The following OPCML variants were observed in gnomAD, a reference collection of about 807,000 sequenced individuals.
OPCML encodes the protein opioid binding protein/cell adhesion molecule like.
A neutral mutation model predicts 37.8 loss-of-function variants in OPCML; 13 were observed. That is an observed-to-expected ratio of 0.34 (90% CI 0.22 to 0.55). The LOEUF (loss-of-function observed/expected upper bound fraction) is 0.55, where lower values mean the gene tolerates loss of function less well. Ranked by LOEUF, OPCML falls within the 20% of genes least tolerant of loss-of-function variation. The pLI, the probability that OPCML is intolerant of heterozygous loss-of-function variation, is 0.91. For synonymous variants in OPCML, 176 were observed against 168.8 expected, an observed-to-expected ratio of 1.04 and a Z score of -0.33; for missense variants, 341 against 435.6, an observed-to-expected ratio of 0.78 and a Z score of 1.93.
intron 3 of OPCML, among the ~76,000 whole-genome samples, chr11:132,603,283 C>A (rs891707938): frequency 1.3e-5 from 2 of 152,156 alleles, no homozygotes; most frequent in South Asian, 2.1e-4. Flanking sequence ...GACCTTAATA[C>A]CTTTTTACTT....
At chr11:133,157,427 G>A (rs1950078115) in intron 1 of OPCML, among the ~76,000 whole-genome samples, 1 of 152,096 alleles carries the variant, frequency 6.6e-6, no homozygotes. Flanking sequence ...CAATTTCTAA[G>A]CAAAGGGAGA....
intron 1 of OPCML, among the ~76,000 whole-genome samples, chr11:133,486,793 G>A (rs934065683): frequency 6.6e-6 from 1 of 151,630 alleles, no homozygotes; most frequent in African/African-American, 2.4e-5. Context: ...TTGCAGTCTT[G>A]TTCCCTCTGG....
At chr11:133,409,259 G>C (rs927441971) in intron 1 of OPCML, among the ~76,000 whole-genome samples, 2 of 152,244 alleles carry the variant, frequency 1.3e-5, no homozygotes, top group African/African-American at 4.8e-5. Context: ...CAGAGCCTGA[G>C]CTGTGAACTT....
intron 1 of OPCML, among the ~76,000 whole-genome samples, chr11:133,035,033 C>T (rs1947752460): frequency 6.6e-6 from 1 of 152,196 alleles, no homozygotes; most frequent in South Asian, 2.1e-4. Flanking sequence ...CCTTCAACAC[C>T]AGATGGATAA....
At chr11:133,122,075 T>A (rs2137117026) in intron 1 of OPCML, among the ~76,000 whole-genome samples, 1 of 152,346 alleles carries the variant, frequency 6.6e-6, no homozygotes, top group African/African-American at 2.4e-5. Flanking sequence ...TATATCCATA[T>A]AACATTTGAG....
chr11:133,380,844 C>G (rs1304889817), intron 1 of OPCML, among the ~76,000 whole-genome samples: 4 of 152,088 alleles, frequency 2.6e-5, no homozygotes, highest in African/African-American at 9.7e-5. Flanking sequence ...TTTGAATCAT[C>G]TATAAAATCA....
At chr11:133,458,283 T>A (rs1347614534) in intron 1 of OPCML, among the ~76,000 whole-genome samples, 2 of 81,852 alleles carry the variant, frequency 2.4e-5, no homozygotes, top group African/African-American at 3.1e-4. Context: ...TACACACATA[T>A]ATACACGTGT....
intron 3 of OPCML, among the ~76,000 whole-genome samples, chr11:132,569,442 C>A (rs1395764772): frequency 6.6e-6 from 1 of 152,080 alleles, no homozygotes; most frequent in Admixed American, 6.5e-5. Flanking sequence ...CTCTGGCAGG[C>A]CTAGACAAGT....
intron 4 of OPCML, among the ~76,000 whole-genome samples, chr11:132,490,916 T>A (rs2096213765): frequency 6.6e-6 from 1 of 152,068 alleles, no homozygotes; most frequent in African/African-American, 2.4e-5. Context: ...ACTTTCCCCC[T>A]ACAAACTGCC....
At chr11:132,764,648 T>G (rs1946376598) in intron 2 of OPCML, among the ~76,000 whole-genome samples, 2 of 152,126 alleles carry the variant, frequency 1.3e-5, no homozygotes, top group Non-Finnish European at 2.9e-5. Flanking sequence ...GATAGAAGTA[T>G]TTTCTCACTC....
At chr11:133,478,611 A>G (rs977032410) in intron 1 of OPCML, among the ~76,000 whole-genome samples, 6 of 152,220 alleles carry the variant, frequency 3.9e-5, no homozygotes, top group Admixed American at 1.3e-4. Flanking sequence ...GAAGTTACGT[A>G]ACACAAATGG....
intron 1 of OPCML, among the ~76,000 whole-genome samples, chr11:133,041,127 TG>T (rs1228529584): frequency 6.6e-6 from 1 of 152,194 alleles, no homozygotes; most frequent in Non-Finnish European, 1.5e-5. Flanking sequence ...GCTCTGACCT[TG>T]GAAAAGTTAC....
intron 1 of OPCML, among the ~76,000 whole-genome samples, chr11:133,140,688 G>GAAA (rs1949769125): frequency 2.0e-5 from 2 of 101,240 alleles, no homozygotes; most frequent in Non-Finnish European, 4.1e-5. Flanking sequence ...GAAGAAAGAT[G>GAAA]GAAGACGGAA....
chr11:133,106,058 C>G (rs1949153145), intron 1 of OPCML, among the ~76,000 whole-genome samples: 1 of 151,922 alleles, frequency 6.6e-6, no homozygotes, highest in Admixed American at 6.6e-5. Context: ...TTTAAAATAA[C>G]ATAATATTTT....
chr11:132,427,139 C>T (rs1032234169), intron 7 of OPCML, among the ~76,000 whole-genome samples: 3 of 151,606 alleles, frequency 2.0e-5, no homozygotes, highest in Non-Finnish European at 4.4e-5. Flanking sequence ...GTAGGGTGAC[C>T]ACACTAAAAA....
At chr11:132,879,322 G>T (rs1048628453) in intron 2 of OPCML, among the ~76,000 whole-genome samples, 1 of 152,134 alleles carries the variant, frequency 6.6e-6, no homozygotes, top group Non-Finnish European at 1.5e-5. Context: ...AAGACACCAA[G>T]AAATAGGGTG....
At chr11:132,963,212 T>C (rs1316930011) in intron 1 of OPCML, among the ~76,000 whole-genome samples, 2 of 151,244 alleles carry the variant, frequency 1.3e-5, no homozygotes, top group African/African-American at 2.4e-5. Flanking sequence ...ACATCTCCCA[T>C]GTGCAATTCC....
intron 1 of OPCML, chr11:133,006,731 G>C: frequency 1.0e-6 from 1 of 985,444 alleles, no homozygotes; most frequent in Non-Finnish European, 1.2e-6. Flanking sequence ...TTTCTGCACT[G>C]TGAGGTGTGA....
intron 3 of OPCML, among the ~76,000 whole-genome samples, chr11:132,539,872 A>G (rs1276812613): frequency 6.6e-6 from 1 of 151,924 alleles, no homozygotes; most frequent in Non-Finnish European, 1.5e-5. Flanking sequence ...AGTGATGGTG[A>G]TCATGGTGAT....
Sources: gnomAD v4.1 joint callset for allele counts (sites outside exome capture counted in the v4.1 genomes callset) on GRCh38, gnomAD v4.1.1 for gene constraint, MANE v1.5 for transcripts, NCBI Gene and HGNC (gene_info 2026-07-23, HGNC 2026-07-21) for gene names.